SCFD2: variants seen among roughly 807,000 people sequenced by gnomAD.
The protein encoded by SCFD2 is sec1 family domain containing 2.
SCFD2 carries 54 observed loss-of-function variants against 58.9 expected under a neutral mutation model. That is an observed-to-expected ratio of 0.92 (90% CI 0.74 to 1.15). The LOEUF (loss-of-function observed/expected upper bound fraction) is 1.15, where lower values mean the gene tolerates loss of function less well. Among genes scored for constraint, SCFD2 ranks in the 50% most tolerant of loss-of-function variants. The pLI, the probability that SCFD2 is intolerant of heterozygous loss-of-function variation, is 0.00. For missense variants in SCFD2, 805 were observed against 836.6 expected (o/e 0.96, Z 0.47); for synonymous variants, 321 against 335.9 (o/e 0.96, Z 0.49).
chr4:53,060,814 T>C (rs193153606), intron 5 of SCFD2, among the ~76,000 whole-genome samples: 1 of 152,260 alleles, frequency 6.6e-6, no homozygotes, highest in Non-Finnish European at 1.5e-5. Context: ...TTCTAATAGA[T>C]AAACAGCAAT....
intron 5 of SCFD2, among the ~76,000 whole-genome samples, chr4:53,099,135 T>C (rs1183956821): frequency 1.3e-5 from 2 of 152,202 alleles, no homozygotes; most frequent in Non-Finnish European, 2.9e-5. Flanking sequence ...GCACTGGTAC[T>C]ATTGCTTCTA....
chr4:52,908,001 C>G, intron 6 of SCFD2, among the ~76,000 whole-genome samples: 1 of 152,162 alleles, frequency 6.6e-6, no homozygotes. Context: ...ATTATGCTCT[C>G]CTCTGCTAGG....
At chr4:52,957,153 C>G (rs968818297) in intron 5 of SCFD2, 1 of 151,836 alleles carries the variant, frequency 6.6e-6, no homozygotes, top group African/African-American at 2.4e-5. Flanking sequence ...GGGTTGTAAA[C>G]ATAAGGGTTG....
chr4:52,913,919 C>T (rs753409905), intron 6 of SCFD2, among the ~76,000 whole-genome samples: 3 of 152,166 alleles, frequency 2.0e-5, no homozygotes, highest in African/African-American at 7.2e-5. Context: ...AAAAAGGAGT[C>T]TAACTGTTTG....
chr4:53,342,370 C>T (rs1560457186), intron 2 of SCFD2, among the ~76,000 whole-genome samples: 2 of 152,144 alleles, frequency 1.3e-5, no homozygotes, highest in African/African-American at 2.4e-5. Context: ...AAGGCCATTA[C>T]ATAATGATAA....
At chr4:52,888,493 C>T (rs748361560) in intron 7 of SCFD2, among the ~76,000 whole-genome samples, 1 of 152,208 alleles carries the variant, frequency 6.6e-6, no homozygotes, top group Non-Finnish European at 1.5e-5. Context: ...CATAGCAATG[C>T]TGCTTTTGTC....
At chr4:53,110,361 G>A (rs1053245276) in intron 5 of SCFD2, among the ~76,000 whole-genome samples, 3 of 152,106 alleles carry the variant, frequency 2.0e-5, no homozygotes, top group Admixed American at 6.5e-5. Context: ...AACACCAAAA[G>A]CAATGGGAAC....
chr4:53,353,327 T>TGA (rs1374308338), intron 1 of SCFD2, among the ~76,000 whole-genome samples: 1 of 151,892 alleles, frequency 6.6e-6, no homozygotes, highest in African/African-American at 2.4e-5. Context: ...GCCTTAGGAG[T>TGA]GAAGCTGCAG....
At chr4:53,364,341 G>A (rs1414070405) in intron 1 of SCFD2, among the ~76,000 whole-genome samples, 1 of 152,130 alleles carries the variant, frequency 6.6e-6, no homozygotes, top group Non-Finnish European at 1.5e-5. Context: ...CCTGGACTTG[G>A]AAGTGGCTAG....
chr4:53,317,340 C>T (rs1375604332), intron 2 of SCFD2, among the ~76,000 whole-genome samples: 3 of 152,282 alleles, frequency 2.0e-5, no homozygotes, highest in East Asian at 3.9e-4. Flanking sequence ...CCCACTTCTT[C>T]ACCAAGTCAC....
At chr4:53,300,857 A>G (rs1034469538) in intron 3 of SCFD2, among the ~76,000 whole-genome samples, 1 of 152,208 alleles carries the variant, frequency 6.6e-6, no homozygotes, top group Non-Finnish European at 1.5e-5. Flanking sequence ...CTACTGGGTA[A>G]ATAATGAAAT....
At chr4:53,261,868 G>A (rs1730838397) in intron 4 of SCFD2, among the ~76,000 whole-genome samples, 1 of 152,062 alleles carries the variant, frequency 6.6e-6, no homozygotes, top group Admixed American at 6.6e-5. Flanking sequence ...GATTTCTTAG[G>A]TCTAGCAGTA....
At chr4:53,045,348 T>C (rs955897783) in intron 5 of SCFD2, among the ~76,000 whole-genome samples, 4 of 152,184 alleles carry the variant, frequency 2.6e-5, no homozygotes, top group Non-Finnish European at 4.4e-5. Context: ...ATAAGTATGG[T>C]ATGGGCACTT....
intron 5 of SCFD2, among the ~76,000 whole-genome samples, chr4:53,061,210 A>C (rs1445388352): frequency 6.6e-6 from 1 of 152,174 alleles, no homozygotes; most frequent in African/African-American, 2.4e-5. Context: ...AGAAAATGCA[A>C]GATTGAACTT....
intron 5 of SCFD2, among the ~76,000 whole-genome samples, chr4:52,960,151 C>T (rs987281071): frequency 6.6e-6 from 1 of 152,026 alleles, no homozygotes; most frequent in Non-Finnish European, 1.5e-5. Flanking sequence ...TATGTTTGTC[C>T]CTTCCTGCTG....
chr4:53,044,516 T>TCCTC (rs752562281), intron 5 of SCFD2, among the ~76,000 whole-genome samples: 9 of 147,632 alleles, frequency 6.1e-5, no homozygotes, highest in East Asian at 2.0e-4. Context: ...CTTCCTTCCT[T>TCCTC]CCTCCCTCCC....
intron 4 of SCFD2, among the ~76,000 whole-genome samples, chr4:53,214,203 T>C (rs1728727152): frequency 6.6e-6 from 1 of 152,168 alleles, no homozygotes. Flanking sequence ...ATGGTATTTC[T>C]AGTTCCAGAT....
chr4:53,061,975 G>A (rs1405040483), intron 5 of SCFD2, among the ~76,000 whole-genome samples: 2 of 152,094 alleles, frequency 1.3e-5, no homozygotes, highest in Non-Finnish European at 2.9e-5. Context: ...ACATCCAGAT[G>A]TGATGGCAGC....
At chr4:53,061,196 G>C (rs1289551220) in intron 5 of SCFD2, among the ~76,000 whole-genome samples, 2 of 152,070 alleles carry the variant, frequency 1.3e-5, no homozygotes, top group Non-Finnish European at 2.9e-5. Flanking sequence ...ACATCCATTA[G>C]TGAAGAAAAT....
Sources: gnomAD v4.1 joint callset for allele counts (sites outside exome capture counted in the v4.1 genomes callset) on GRCh38, gnomAD v4.1.1 for gene constraint, MANE v1.5 for transcripts, NCBI Gene and HGNC (gene_info 2026-07-23, HGNC 2026-07-21) for gene names.